DLGAP2: variants seen among roughly 807,000 people sequenced by gnomAD.
DLGAP2 encodes the protein disks large-associated protein 2.
DLGAP2 carries 26 observed loss-of-function variants against 100.3 expected under a neutral mutation model. That is an observed-to-expected ratio of 0.26 (90% confidence interval 0.19 to 0.36). DLGAP2 has a LOEUF of 0.36. Ranked by LOEUF, DLGAP2 falls within the 10% of genes least tolerant of loss-of-function variation. The pLI is 1.00. For synonymous variants in DLGAP2, 886 were observed against 630.1 expected (o/e 1.41, Z -6.08); for missense variants, 1,858 against 1,453.2 (o/e 1.28, Z -4.53).
intron 8 of DLGAP2, among the ~76,000 whole-genome samples, chr8:1,667,648 G>A (rs542048623): frequency 5.9e-5 from 9 of 152,318 alleles, no homozygotes; most frequent in South Asian, 2.1e-4. Flanking sequence ...CTCAACAGCC[G>A]CGATTAACAT....
At chr8:781,934 G>C (rs1247711232) in intron 1 of DLGAP2, among the ~76,000 whole-genome samples, 4 of 152,116 alleles carry the variant, frequency 2.6e-5, no homozygotes, top group Admixed American at 2.6e-4. Context: ...ACTGGGAGCT[G>C]GGGGGATGGA....
At chr8:1,408,872 C>A (rs1175053280) in intron 3 of DLGAP2, among the ~76,000 whole-genome samples, 1 of 152,188 alleles carries the variant, frequency 6.6e-6, no homozygotes, top group Non-Finnish European at 1.5e-5. Context: ...GAGAAGAAAG[C>A]TGGGCAGTGG....
At chr8:1,469,295 C>T (rs536818289) in intron 3 of DLGAP2, among the ~76,000 whole-genome samples, 22 of 152,336 alleles carry the variant, frequency 1.4e-4, no homozygotes, top group African/African-American at 4.1e-4. Context: ...CAACACCTTG[C>T]GGCATTCAGC....
intron 2 of DLGAP2, among the ~76,000 whole-genome samples, chr8:1,191,211 AC>A (rs1797627789): frequency 6.9e-6 from 1 of 144,090 alleles, no homozygotes; most frequent in Admixed American, 6.9e-5. Context: ...TCACTCTGTC[AC>A]CCAGGCTGGA....
intron 2 of DLGAP2, among the ~76,000 whole-genome samples, chr8:1,077,604 G>A (rs1451511377): frequency 6.6e-6 from 1 of 152,104 alleles, no homozygotes; most frequent in African/African-American, 2.4e-5. Context: ...GTATGCTCGG[G>A]ATTGTTTAAA....
At chr8:1,608,132 ATGTCCC>A (rs1347110455) in intron 6 of DLGAP2, among the ~76,000 whole-genome samples, 5 of 108,638 alleles carry the variant, frequency 4.6e-5, no homozygotes, top group African/African-American at 1.7e-4. Flanking sequence ...GCAGACTTAA[ATGTCCC>A]TGTCTGACAG....
intron 6 of DLGAP2, among the ~76,000 whole-genome samples, chr8:1,613,880 A>G (rs562313886): frequency 1.1e-4 from 17 of 152,206 alleles, no homozygotes; most frequent in Admixed American, 2.0e-4. Flanking sequence ...GAATTTTTTA[A>G]AAATAAGCCT....
chr8:1,062,706 A>G (rs1415034526), intron 2 of DLGAP2, among the ~76,000 whole-genome samples: 5 of 151,974 alleles, frequency 3.3e-5, no homozygotes, highest in African/African-American at 1.2e-4. Flanking sequence ...TCATCTCTTG[A>G]TAGTCGTTGT....
intron 1 of DLGAP2, among the ~76,000 whole-genome samples, chr8:785,312 C>T (rs376906792): frequency 6.7e-6 from 1 of 149,578 alleles, no homozygotes; most frequent in Non-Finnish European, 1.5e-5. Flanking sequence ...AAGCTCTGGG[C>T]GATTCCCATG....
chr8:1,360,252 C>T (rs188441602), intron 3 of DLGAP2, among the ~76,000 whole-genome samples: 6,115 of 44,780 alleles, frequency 0.14, 170 homozygotes, highest in East Asian at 0.33. Context: ...TTCTCCGGGG[C>T]GGGGCTTCTC....
chr8:1,312,927 C>T (rs1476449870), intron 3 of DLGAP2, among the ~76,000 whole-genome samples: 1 of 152,176 alleles, frequency 6.6e-6, no homozygotes, highest in African/African-American at 2.4e-5. Context: ...TGAGTGAGGC[C>T]AAGCCCTACG....
intron 3 of DLGAP2, among the ~76,000 whole-genome samples, chr8:1,315,498 C>G (rs28482290): frequency 5.5e-5 from 5 of 91,312 alleles, no homozygotes; most frequent in African/African-American, 1.3e-4. Context: ...AAAAATAGAG[C>G]GTGTGCGAGT....
chr8:1,293,823 G>C (rs1275798101), intron 3 of DLGAP2, among the ~76,000 whole-genome samples: 1 of 148,778 alleles, frequency 6.7e-6, no homozygotes, highest in East Asian at 2.1e-4. Flanking sequence ...GATATTGTTA[G>C]TATTTCTTTC....
chr8:881,666 A>ATGTGTATAT, intron 1 of DLGAP2, among the ~76,000 whole-genome samples: 1 of 131,048 alleles, frequency 7.6e-6, no homozygotes, highest in Non-Finnish European at 1.7e-5. Context: ...CTTGTGGCTG[A>ATGTGTATAT]ACACACACAC....
chr8:1,177,284 C>A (rs539817207), intron 2 of DLGAP2, among the ~76,000 whole-genome samples: 5 of 152,070 alleles, frequency 3.3e-5, no homozygotes, highest in African/African-American at 1.2e-4. Context: ...ATTTATTTAT[C>A]TTTTCTCCGT....
chr8:774,825 G>T (rs1324409201), intron 1 of DLGAP2, among the ~76,000 whole-genome samples: 2 of 144,952 alleles, frequency 1.4e-5, no homozygotes, highest in East Asian at 2.0e-4. Context: ...TTGACTTGGC[G>T]ATGCGGGCTC....
chr8:848,037 C>G (rs1242111896), intron 1 of DLGAP2, among the ~76,000 whole-genome samples: 2 of 152,150 alleles, frequency 1.3e-5, no homozygotes, highest in Non-Finnish European at 2.9e-5. Flanking sequence ...GGGCCTGTTA[C>G]TCTTCAGTTC....
intron 1 of DLGAP2, among the ~76,000 whole-genome samples, chr8:870,512 GTCTGTCTCCTCTCACTTCCTGC>G (rs1240307398): frequency 1.3e-5 from 2 of 152,066 alleles, no homozygotes; most frequent in Non-Finnish European, 2.9e-5. Context: ...CCCCTTTGCC[GTCTGTCTCCTCTCACTTCCTGC>G]TCTGTCTCCT....
chr8:909,003 A>T (rs1048159340), intron 2 of DLGAP2, among the ~76,000 whole-genome samples: 1 of 152,230 alleles, frequency 6.6e-6, no homozygotes, highest in Non-Finnish European at 1.5e-5. Context: ...TGTATTATAC[A>T]TTCCAGAGTA....
Sources: gnomAD v4.1 joint callset for allele counts (sites outside exome capture counted in the v4.1 genomes callset) on GRCh38, gnomAD v4.1.1 for gene constraint, MANE v1.5 for transcripts, NCBI Gene and HGNC (gene_info 2026-07-23, HGNC 2026-07-21) for gene names.